Variants in PINK1 observed in about 807,000 individuals in gnomAD.
The protein encoded by PINK1 is PTEN induced kinase 1.
A neutral mutation model predicts 56.0 loss-of-function variants in PINK1; 58 were observed. The ratio of observed to expected loss-of-function variants is 1.04; its 90% confidence interval spans 0.84 to 1.29. The LOEUF is 1.29. Ranked by LOEUF, PINK1 falls within the 50% of genes most tolerant of loss-of-function variation. The pLI is 0.00. For missense variants in PINK1, 745 were observed against 777.9 expected, an observed-to-expected ratio of 0.96 and a Z score of 0.50; for synonymous variants, 354 against 339.3, an observed-to-expected ratio of 1.04 and a Z score of -0.48.
chr1:20,636,571 T>G, intron 1 of PINK1, among the ~76,000 whole-genome samples: 1 of 152,172 alleles, frequency 6.6e-6, no homozygotes, highest in East Asian at 1.9e-4. Context: ...CTTGAACTCC[T>G]GACTTCATGA....
At chr1:20,643,896 T>A (rs1018207657) in intron 3 of PINK1, among the ~76,000 whole-genome samples, 7 of 152,194 alleles carry the variant, frequency 4.6e-5, no homozygotes, top group Non-Finnish European at 8.8e-5. Flanking sequence ...AAACCCTATA[T>A]ATACTGTGTT....
At position 20,633,873 on chromosome 1, in the gene PINK1, G is replaced by A; in HGVS notation, c.325G>A (p.Gly109Ser). ...CTTTCTGGCCTTCGGGCTAGGGCTG[G>A]GCCTCATCGAGGAAAAACAGGCGGA... ...AVFLAFGLGL[G>S]LIEEKQAESR... The change falls in exon 1 of 8, where the codon GGC (glycine) becomes AGC (serine). Residue 109 changes from glycine to serine, a missense_variant. Gly to Ser is a moderately conservative substitution (Grantham distance 56). Coordinates refer to ENST00000321556, the MANE Select transcript of PINK1 (RefSeq NM_032409.3). 6.3e-7 allele frequency: 1 copy of A among 1,580,520 alleles called. No homozygotes were observed. The highest frequency in any genetic ancestry group is 8.6e-7 in the Non-Finnish European group (1 of 1,165,418).
chr1:20,643,767 AGC>A (rs952188694), intron 3 of PINK1, among the ~76,000 whole-genome samples: 1 of 152,198 alleles, frequency 6.6e-6, no homozygotes, highest in African/African-American at 2.4e-5. Flanking sequence ...AACCTTATGC[AGC>A]GTGTTAACAC....
At chr1:20,635,285 G>A (rs1365172562) in intron 1 of PINK1, among the ~76,000 whole-genome samples, 4 of 151,928 alleles carry the variant, frequency 2.6e-5, no homozygotes, top group East Asian at 3.9e-4. Flanking sequence ...GGCGGATCAC[G>A]AGGTCAGGAG....
intron 1 of PINK1, among the ~76,000 whole-genome samples, chr1:20,635,657 G>A (rs1002703765): frequency 4.0e-5 from 6 of 151,586 alleles, no homozygotes; most frequent in African/African-American, 1.5e-4. Context: ...GACCATCCTG[G>A]CTAACATGGT....
intron 1 of PINK1, among the ~76,000 whole-genome samples, chr1:20,635,840 C>G (rs553220333): frequency 1.6e-3 from 239 of 146,652 alleles, no homozygotes; most frequent in African/African-American, 5.6e-3. Flanking sequence ...CAGAGTGAGA[C>G]TCCGTCTCAA....
intron 2 of PINK1, 42 bp from the exon 3 acceptor site, chr1:20,639,850 G>A (rs2053097381): frequency 1.3e-6 from 2 of 1,566,122 alleles, no homozygotes; most frequent in South Asian, 2.3e-5. Context: ...TTACCATTCT[G>A]CTCCGGCCTG....
In PINK1 at chr1:20,648,462, A is replaced by T. The variant is rs376176518; in HGVS notation, c.1124-43A>T. On this transcript the variant is annotated intron_variant, in intron 5 of 7. Transcript: ENST00000321556. ...GGACATAGGAGGGCCTCTCAGAGGG[A>T]AGGAGGGGAGGAGAAATGGTCACTT... is the stretch of plus-strand genomic sequence containing the variant. The T allele has an allele frequency of 6.8e-6, 11 of 1,613,024 alleles. No individual in the cohort carries two copies. In the African/African-American group the frequency reaches 1.5e-4, roughly 22 times the overall value.
At position 20,633,523 on chromosome 1, in the gene PINK1, C is replaced by G. The variant is rs2053012364; in HGVS notation, c.-26C>G. On this transcript the variant is annotated 5_prime_UTR_variant, in exon 1 of 8. Transcript: ENST00000321556. ...CCGGTGGTGGCGGCAGCGGCGGCTGCGGGGGCACCGGGCCGCGGCGCCACC... is the reference window on the plus strand; with the variant it reads ...CCGGTGGTGGCGGCAGCGGCGGCTGGGGGGGCACCGGGCCGCGGCGCCACC... The G allele has an allele frequency of 8.8e-7, 1 of 1,134,876 alleles. No homozygotes were observed. The highest frequency in any genetic ancestry group is 1.6e-5 in the African/African-American group (1 of 60,872). 70.3% of individuals were successfully genotyped at this position (1,134,876 alleles called of 1,614,324 possible).
intron 4 of PINK1, among the ~76,000 whole-genome samples, 187 bp downstream of exon 4, chr1:20,644,859 A>C (rs1235990651): frequency 6.6e-6 from 1 of 152,200 alleles, no homozygotes; most frequent in African/African-American, 2.4e-5. Context: ...ACGATTTTTC[A>C]TGGAAACAAA....
At chr1:20,646,088 AGAGT>A (rs1294514412) in intron 5 of PINK1, among the ~76,000 whole-genome samples, 2 of 152,070 alleles carry the variant, frequency 1.3e-5, no homozygotes, top group Non-Finnish European at 2.9e-5. Context: ...CCTGGGAAAC[AGAGT>A]GAGATCCCTT....
chr1:20,644,564 C>T lies in PINK1; in HGVS notation c.851C>T (p.Ser284Phe), dbSNP rs113092523. The change falls in exon 4 of 8, where the codon TCC (serine) becomes TTC (phenylalanine). Residue 284 changes from serine (S) to phenylalanine (F), a missense_variant. Physicochemically the swap from Ser to Phe is radical, Grantham distance 155. Coordinates refer to ENST00000321556, the MANE Select transcript of PINK1 (RefSeq NM_032409.3). ...CGGGTTCTCCGCGCCTTCACCTCTT[C>T]CGTGCCGCTGCTGCCAGGGGCCCTG... is the stretch of plus-strand genomic sequence containing the variant. The part of the protein sequence containing the change: ...IIRVLRAFTS[S>F]VPLLPGALVD... 1.9e-6 allele frequency: 3 copies of T among 1,614,266 alleles called. No homozygotes were observed. The highest frequency in any genetic ancestry group is 1.7e-5 in the Admixed American group (1 of 60,030).
chr1:20,650,174 G>A (rs2053247742), intron 7 of PINK1: 1 of 548,626 alleles, frequency 1.8e-6, no homozygotes, highest in Non-Finnish European at 3.3e-6. Context: ...TGCACAAGAG[G>A]CACTAGGCTT....
In PINK1 at chr1:20,645,687, C is replaced by CTGAAATCCG; in HGVS notation, c.1088_1096dup (p.Ser365_Asp366insValLysSer). On this transcript the variant is annotated inframe_insertion, in exon 5 of 8. Transcript: ENST00000321556. Reference sequence around the variant, plus strand: ...TCAACAGGGCATCGCGCACAGAGACCTGAAATCCGACAACATCCTTGTGGA... The same window carrying CTGAAATCCG: ...TCAACAGGGCATCGCGCACAGAGACCTGAAATCCGTGAAATCCGACAACATCCTTGTGGA... 2 of 1,614,078 alleles carry CTGAAATCCG rather than the reference C, an allele frequency of 1.2e-6. No homozygotes were observed. Among genetic ancestry groups the CTGAAATCCG allele is most frequent in the Non-Finnish European group, 1.7e-6 (2 of 1,180,028 alleles).
chr1:20,639,431 T>G, intron 2 of PINK1: 1 of 255,424 alleles, frequency 3.9e-6, no homozygotes, highest in Non-Finnish European at 7.9e-6. Flanking sequence ...TCTTTGGTTT[T>G]TGTCTGTTTG....
Position 20,650,444 on chromosome 1 carries a change from C to G in PINK1, c.1499C>G (p.Ala500Gly). Residue 500 changes from alanine to glycine, a missense_variant, in exon 8 of 8, where the codon GCC becomes GGC. Ala to Gly is a moderately conservative substitution (Grantham distance 60, BLOSUM62 0). Coordinates refer to ENST00000321556, the MANE Select transcript of PINK1 (RefSeq NM_032409.3). ...LQREASKRPS[A>G]RVAANVLHLS... The stretch of plus-strand genomic sequence containing the variant: ...CCCTTCCTGTTGCAGAGACCATCTG[C>G]CCGAGTAGCCGCAAATGTGCTTCAT... 1 of 1,613,922 alleles carries G rather than the reference C, an allele frequency of 6.2e-7. No homozygotes were observed. The highest frequency in any genetic ancestry group is 1.1e-5 in the South Asian group (1 of 91,060).
intron 5 of PINK1, 49 bp from the exon 6 acceptor site, chr1:20,648,456 A>C (rs2154533983): frequency 6.2e-7 from 1 of 1,612,560 alleles, no homozygotes; most frequent in Non-Finnish European, 8.5e-7. Context: ...AGGGCCTCTC[A>C]GAGGGAAGGA....
intron 5 of PINK1, among the ~76,000 whole-genome samples, chr1:20,647,966 C>A (rs921251391): frequency 3.9e-5 from 6 of 152,048 alleles, no homozygotes; most frequent in Non-Finnish European, 8.8e-5. Flanking sequence ...CACACACCAC[C>A]ATGCCTGGCT....
rs377219724 is a variant in PINK1 at position 20,633,960 on chromosome 1, G to C, written c.387+25G>C. On this transcript the variant is annotated intron_variant, in intron 1 of 7. Transcript: ENST00000321556. ...GGTGAGCGGGGCCGGGTCCTAAGCC[G>C]AGCGGAGGACGGAGCTAAGCGCGGG... The C allele has an allele frequency of 1.6e-4, 259 of 1,573,222 alleles. 3 individuals carry two copies. The East Asian group carries it at 4.5e-3, about 27-fold the overall frequency.
Sources: allele counts gnomAD v4.1 joint callset (sites outside exome capture counted in the v4.1 genomes callset), GRCh38; gene constraint gnomAD v4.1.1; transcripts MANE v1.5; gene names NCBI Gene and HGNC (gene_info 2026-07-23, HGNC 2026-07-21).